Variants in JARID2 observed in about 807,000 individuals in gnomAD.
JARID2 encodes the protein protein Jumonji.
A neutral mutation model predicts 125.6 loss-of-function variants in JARID2; 21 were observed. The ratio of observed to expected loss-of-function variants is 0.17; its 90% confidence interval spans 0.12 to 0.24. The LOEUF is 0.24. Ranked by LOEUF, JARID2 falls within the 10% of genes least tolerant of loss-of-function variation. JARID2 has a pLI of 1.00. For synonymous variants in JARID2, 736 were observed against 661.6 expected (o/e 1.11, Z -1.73); for missense variants, 1,303 against 1,639.6 (o/e 0.79, Z 3.55).
intron 1 of JARID2, among the ~76,000 whole-genome samples, chr6:15,343,916 C>G (rs1483334726): frequency 6.6e-6 from 1 of 152,028 alleles, no homozygotes; most frequent in Non-Finnish European, 1.5e-5. Flanking sequence ...TTAGATTTAC[C>G]TGGGAGGACC....
At chr6:15,454,838 G>T (rs929738610) in intron 4 of JARID2, among the ~76,000 whole-genome samples, 2 of 152,134 alleles carry the variant, frequency 1.3e-5, no homozygotes, top group Non-Finnish European at 2.9e-5. Flanking sequence ...TGAGTATGAA[G>T]ATGGAAAGGA....
Position 15,355,256 on chromosome 6 carries a change from CAATG to C in JARID2, c.46-18858_46-18855del, listed in dbSNP as rs540691567. 2.6e-3 allele frequency among the ~76,000 whole-genome samples: 393 copies of C among 152,220 alleles called. 2 individuals are homozygous for C. The highest frequency in any genetic ancestry group is 8.9e-3 in the African/African-American group (369 of 41,520). On this transcript the variant is annotated intron_variant, in intron 1 of 17. Coordinates refer to ENST00000341776, the MANE Select transcript of JARID2 (RefSeq NM_004973.4). ...TAAGTGATACTTTGTTAGAAATTGT[CAATG>C]AACTTGATAACATCAAAAAATGCAA...
At chr6:15,475,374 A>C (rs1396344511) in intron 5 of JARID2, among the ~76,000 whole-genome samples, 2 of 152,210 alleles carry the variant, frequency 1.3e-5, no homozygotes, top group Non-Finnish European at 2.9e-5. Flanking sequence ...AACCTGAAGA[A>C]GGCCTCTTCT....
chr6:15,249,798 C>T (rs1162858731), intron 1 of JARID2, among the ~76,000 whole-genome samples: 3 of 152,112 alleles, frequency 2.0e-5, no homozygotes, highest in Non-Finnish European at 4.4e-5. Context: ...TAAATGATGT[C>T]CTTGAGAAAC....
chr6:15,478,462 G>C (rs1016389327), intron 5 of JARID2, among the ~76,000 whole-genome samples: 1 of 151,922 alleles, frequency 6.6e-6, no homozygotes, highest in South Asian at 2.1e-4. Context: ...CTTTGAAAAT[G>C]ACCAAGTTGC....
intron 7 of JARID2, among the ~76,000 whole-genome samples, chr6:15,497,560 A>G (rs1387469784): frequency 6.6e-6 from 1 of 151,536 alleles, no homozygotes; most frequent in African/African-American, 2.4e-5. Flanking sequence ...CTGAGGCAGG[A>G]GAATGGCGTG....
chr6:15,283,019 C>T (rs1208738951), intron 1 of JARID2, among the ~76,000 whole-genome samples: 3 of 151,996 alleles, frequency 2.0e-5, no homozygotes, highest in African/African-American at 4.8e-5. Flanking sequence ...CACTCTGTTG[C>T]CCAGGCTGGA....
intron 1 of JARID2, among the ~76,000 whole-genome samples, chr6:15,324,850 A>T (rs1762485060): frequency 2.9e-5 from 4 of 137,380 alleles, no homozygotes; most frequent in African/African-American, 8.1e-5. Flanking sequence ...TTTTGTTATT[A>T]AAAAAAAAAA....
intron 3 of JARID2, among the ~76,000 whole-genome samples, chr6:15,435,229 GA>G (rs1767151495): frequency 6.6e-6 from 1 of 152,150 alleles, no homozygotes; most frequent in Admixed American, 6.5e-5. Context: ...GGCCTGAGAT[GA>G]AAAAACTCTT....
chr6:15,274,314 C>T (rs1418201481), intron 1 of JARID2, among the ~76,000 whole-genome samples: 1 of 152,046 alleles, frequency 6.6e-6, no homozygotes, highest in Non-Finnish European at 1.5e-5. Context: ...TGGGGGATGT[C>T]TTTAATGTTT....
chr6:15,260,943 C>G (rs996179136), intron 1 of JARID2, among the ~76,000 whole-genome samples: 1 of 152,164 alleles, frequency 6.6e-6, no homozygotes, highest in Non-Finnish European at 1.5e-5. Context: ...CTTTTTTTCC[C>G]TTGCCTTCTT....
chr6:15,327,057 A>C (rs1762554524), intron 1 of JARID2, among the ~76,000 whole-genome samples: 1 of 152,206 alleles, frequency 6.6e-6, no homozygotes, highest in African/African-American at 2.4e-5. Flanking sequence ...TGGGTCATTT[A>C]ATCTGGCAGC....
chr6:15,371,538 A>C (rs929669811), intron 1 of JARID2, among the ~76,000 whole-genome samples: 6 of 152,226 alleles, frequency 3.9e-5, no homozygotes, highest in Admixed American at 3.9e-4. Context: ...ACTATCATTC[A>C]GTTGCAGCTA....
intron 16 of JARID2, among the ~76,000 whole-genome samples, chr6:15,516,277 TCTC>T (rs1198058110): frequency 2.0e-5 from 3 of 152,228 alleles, no homozygotes; most frequent in Non-Finnish European, 4.4e-5. Flanking sequence ...CTATGACTCT[TCTC>T]CTCTTGAGTG....
At chr6:15,464,515 A>T (rs1340433064) in intron 4 of JARID2, among the ~76,000 whole-genome samples, 1 of 152,134 alleles carries the variant, frequency 6.6e-6, no homozygotes, top group African/African-American at 2.4e-5. Context: ...TTGGAGGATG[A>T]TGCCAAGGAG....
At chr6:15,353,802 G>A (rs1393031704) in intron 1 of JARID2, among the ~76,000 whole-genome samples, 1 of 152,174 alleles carries the variant, frequency 6.6e-6, no homozygotes, top group Admixed American at 6.5e-5. Context: ...TAACAGAGAT[G>A]GTAGTTTTGC....
At chr6:15,289,602 A>T (rs1214296828) in intron 1 of JARID2, among the ~76,000 whole-genome samples, 1 of 152,104 alleles carries the variant, frequency 6.6e-6, no homozygotes, top group Admixed American at 6.6e-5. Context: ...CACATCTGTA[A>T]TCCCAGCACT....
chr6:15,431,544 CTTTTAGTGTAAACAA>C (rs1766968238), intron 3 of JARID2, among the ~76,000 whole-genome samples: 8 of 152,188 alleles, frequency 5.3e-5, no homozygotes, highest in African/African-American at 1.9e-4. Flanking sequence ...GCCTCCACTA[CTTTTAGTGTAAACAA>C]GCTCTTTACA....
chr6:15,365,415 C>T (rs960194445), intron 1 of JARID2, among the ~76,000 whole-genome samples: 1 of 152,172 alleles, frequency 6.6e-6, no homozygotes, highest in Non-Finnish European at 1.5e-5. Context: ...ACCCTTTAAC[C>T]ATGAGCGTGC....
Sources: allele counts gnomAD v4.1 joint callset (sites outside exome capture counted in the v4.1 genomes callset), GRCh38; gene constraint gnomAD v4.1.1; transcripts MANE v1.5; gene names NCBI Gene and HGNC (gene_info 2026-07-23, HGNC 2026-07-21).